Variants in INTS10 observed in about 807,000 individuals in gnomAD.
INTS10 encodes the protein chromosome 8 open reading frame 35.
Under a neutral mutation model 94.4 loss-of-function variants are expected in INTS10, and 44 were observed. That is an observed-to-expected ratio of 0.47 (90% CI 0.37 to 0.60). The LOEUF (loss-of-function observed/expected upper bound fraction) is 0.60. INTS10 is among the 20% of genes least tolerant of loss of function. INTS10 has a pLI of 0.00. For missense variants in INTS10, 797 were observed against 868.7 expected (o/e 0.92, Z 1.04); for synonymous variants, 341 against 320.7 (o/e 1.06, Z -0.68).
chr8:19,820,269 T>A, intron 3 of INTS10, 110 bp from the exon 4 acceptor site: 2 of 1,012,680 alleles, frequency 2.0e-6, no homozygotes, highest in Non-Finnish European at 2.8e-6. Flanking sequence ...CTGCATTGAT[T>A]TCACATGTAG....
Position 19,842,912 on chromosome 8 carries a change from G to T in INTS10, c.1704G>T (p.Met568Ile), listed in dbSNP as rs765430951. Reference sequence around the variant, plus strand: ...TCATGCCATACTGCCTCCATTTAATGTTAGCCTGTTTTAAGGTAAGCTTAA... The same window carrying T: ...TCATGCCATACTGCCTCCATTTAATTTTAGCCTGTTTTAAGGTAAGCTTAA... ...KAIMPYCLHL[M>I]LACFKLRAFT... Residue 568 changes from methionine to isoleucine, a missense_variant, in exon 14 of 17, where the codon ATG becomes ATT. Physicochemically the swap from Met to Ile is conservative, Grantham distance 10. Coordinates refer to ENST00000397977, the MANE Select transcript of INTS10 (RefSeq NM_018142.4). The T allele has an allele frequency of 8.1e-6, 13 of 1,608,268 alleles. No individual in the cohort carries two copies. The highest frequency in any genetic ancestry group is 1.0e-5 in the Non-Finnish European group (12 of 1,175,046).
rs2067724525 is a variant in INTS10, at chr8:19,837,114, C to T, written c.1593C>T (p.Gly531=). The T allele has an allele frequency of 4.3e-6, 7 of 1,613,400 alleles. No homozygotes were observed. The highest frequency in any genetic ancestry group is 5.9e-6 in the Non-Finnish European group (7 of 1,179,466). Reference sequence around the variant, plus strand: ...TGGTACTCCCCATTCAAGATGGAGGCAAATCCCAGGAGGAACCCTCGAAAG... The same window carrying T: ...TGGTACTCCCCATTCAAGATGGAGGTAAATCCCAGGAGGAACCCTCGAAAG... The part of the protein sequence containing the change: ...CYMVLPIQDG[G]KSQEEPSKVK... Residue 531 remains glycine, a synonymous_variant, in exon 13 of 17, where the codon GGC becomes GGT. Transcript: ENST00000397977.
intron 2 of INTS10, 49 bp from the exon 3 acceptor site, chr8:19,819,524 A>C: frequency 7.2e-7 from 1 of 1,391,252 alleles, no homozygotes; most frequent in Non-Finnish European, 9.8e-7. Flanking sequence ...TCTTTTGGAT[A>C]CTGTATAGAC....
At chr8:19,825,034 A>T (rs3816246) in intron 8 of INTS10, 62 bp downstream of exon 8, 2 of 1,375,524 alleles carry the variant, frequency 1.5e-6, no homozygotes, top group Admixed American at 3.6e-5. Flanking sequence ...TGGTAAGGAA[A>T]ATGAAAGTGT....
rs2068375568 is a variant in INTS10 at position 19,844,183 on chromosome 8, T to A, written c.1827T>A (p.Asn609Lys). The change falls in exon 15 of 17, where the codon AAT (asparagine) becomes AAA (lysine). Residue 609 changes from asparagine (N) to lysine (K), a missense_variant. This residue lies in a region of INTS10 where 734 missense variants were observed against 787.8 expected (regional missense o/e 0.93). Transcript: ENST00000397977. ...RGENLFLKAVNKICQQGNFQY... is the reference protein window; with the variant it reads ...RGENLFLKAVKKICQQGNFQY... The stretch of plus-strand genomic sequence containing the variant: ...AGAATCTTTTCCTGAAAGCTGTCAA[T>A]AAAATTTGCCAACAAGGAAATTTCC... 1 of 1,613,696 alleles carries A rather than the reference T, an allele frequency of 6.2e-7. No individual in the cohort carries two copies. The highest frequency in any genetic ancestry group is 1.3e-5 in the African/African-American group (1 of 74,922).
In INTS10 at chr8:19,823,416, T is replaced by C; in HGVS notation, c.639T>C (p.Ser213=). The change falls in exon 6 of 17, where the codon TCT becomes TCC. Residue 213 remains serine, a synonymous_variant. Transcript: ENST00000397977. ...TTTATATCAATTATGTCACTAGGTC[T>C]ACTCAAATAGAAAATCAGCATCAAG... ...AEFYINYVTR[S]TQIENQHQGA... 1.9e-6 allele frequency: 3 copies of C among 1,605,110 alleles called. 1 individual carries two copies. The South Asian group carries it at 3.3e-5, about 18-fold the overall frequency.
Position 19,846,874 on chromosome 8 carries a change from G to T in INTS10, c.1976+1077G>T, listed in dbSNP as rs1388159579. ...CCTTTGCTTCCTGCACATTCAGTGT[G>T]TCTGTAAGTCAGTGTTAGAGTTTCT... On this transcript the variant is annotated intron_variant, in intron 16 of 16. Transcript: ENST00000397977. The surrounding 1 kb of genome is among the most constrained non-coding windows in gnomAD (Gnocchi z 4.2). Among the ~76,000 whole-genome samples the T allele has an allele frequency of 6.6e-6, 1 of 152,178 alleles. No homozygotes were observed. The highest frequency in any genetic ancestry group is 2.4e-5 in the African/African-American group (1 of 41,438).
At position 19,851,104 on chromosome 8, in the gene INTS10, T is replaced by C. The variant is rs2068995820; in HGVS notation, c.1977-545T>C. 6.6e-6 allele frequency among the ~76,000 whole-genome samples: 1 copy of C among 152,198 alleles called. No individual in the cohort carries two copies. The highest frequency in any genetic ancestry group is 1.5e-5 in the Non-Finnish European group (1 of 68,040). ...AGCATTTAGAGGAGCTGCCCTATTCTGGTGTCCTGGGGAGAGAGACGTGCT... is the reference window on the plus strand; with the variant it reads ...AGCATTTAGAGGAGCTGCCCTATTCCGGTGTCCTGGGGAGAGAGACGTGCT... On this transcript the variant is annotated intron_variant, in intron 16 of 16. Coordinates refer to ENST00000397977, the MANE Select transcript of INTS10 (RefSeq NM_018142.4). This position sits in a 1 kb window ranked among gnomAD's most constrained non-coding sequence, Gnocchi z 5.0.
chr8:19,826,606 G>T (rs2066817259), intron 9 of INTS10, 47 bp downstream of exon 9: 3 of 1,552,980 alleles, frequency 1.9e-6, no homozygotes, highest in Non-Finnish European at 2.6e-6. Context: ...GGGACGCTTT[G>T]CTAGAGATGA....
rs905922716 is a variant in INTS10, at chr8:19,843,825, A to G, written c.1720-251A>G. ...AAAGCTTCAGGCCCACCCATGTCCA[A>G]CTGCCATCTACACACTGCCAGCAGC... On this transcript the variant is annotated intron_variant, in intron 14 of 16. Transcript: ENST00000397977. The surrounding 1 kb of genome is among the most constrained non-coding windows in gnomAD (Gnocchi z 4.7). Among the ~76,000 whole-genome samples the G allele has an allele frequency of 1.3e-5, 2 of 152,128 alleles. No individual in the cohort carries two copies. Among genetic ancestry groups the G allele is most frequent in the African/African-American group, 2.4e-5 (1 of 41,426 alleles).
chr8:19,830,513 C>A lies in INTS10; in HGVS notation c.1248C>A (p.Ala416=). 6.2e-7 allele frequency: 1 copy of A among 1,614,044 alleles called. No homozygotes were observed. Among genetic ancestry groups the A allele is most frequent in the Non-Finnish European group, 8.5e-7 (1 of 1,179,966 alleles). Residue 416 remains alanine (A), a synonymous_variant, in exon 10 of 17, where the codon GCC becomes GCA. Coordinates refer to ENST00000397977, the MANE Select transcript of INTS10 (RefSeq NM_018142.4). Reference sequence around the variant, plus strand: ...AAGTGTTAGAAAGCTTTAAATTGGCCAGGGAGAGCTGGGAGTTGCTCTATT... The same window carrying A: ...AAGTGTTAGAAAGCTTTAAATTGGCAAGGGAGAGCTGGGAGTTGCTCTATT... ...STEVLESFKL[A]RESWELLYSL...
Position 19,851,766 on chromosome 8 carries a change from C to T in INTS10, c.2094C>T (p.Cys698=). 1 of 1,614,150 alleles carries T rather than the reference C, an allele frequency of 6.2e-7. No homozygotes were observed. Among genetic ancestry groups the T allele is most frequent in the Non-Finnish European group, 8.5e-7 (1 of 1,179,992 alleles). Residue 698 remains cysteine, a synonymous_variant, in exon 17 of 17, where the codon TGC becomes TGT. Transcript: ENST00000397977. This position sits in a 1 kb window ranked among gnomAD's most constrained non-coding sequence, Gnocchi z 5.0. ...TGATGGTGGTTCTGCACAGGTTCTGCATTAATGAGAAGATCTTGCTCCTTC... is the reference window on the plus strand; with the variant it reads ...TGATGGTGGTTCTGCACAGGTTCTGTATTAATGAGAAGATCTTGCTCCTTC... ...ENLMVVLHRF[C]INEKILLLQT...
In INTS10 at chr8:19,822,536, T is replaced by A. The variant is rs946509811; in HGVS notation, c.523+16T>A. 6.9e-7 allele frequency: 1 copy of A among 1,441,342 alleles called. No individual in the cohort carries two copies. The highest frequency in any genetic ancestry group is 9.8e-7 in the Non-Finnish European group (1 of 1,024,916). The allele number at this position is 1,441,342 out of a possible 1,614,324, so 89.3% of individuals were successfully genotyped here. A position where few individuals can be genotyped will look rare whatever the true frequency, so the allele number is the denominator to read the frequency against. ...AAATTATTTGGTAAGGAAAATTGTATTCTCTATTACTTCTATGGTAAATTA... is the reference window on the plus strand; with the variant it reads ...AAATTATTTGGTAAGGAAAATTGTAATCTCTATTACTTCTATGGTAAATTA... On this transcript the variant is annotated intron_variant, in intron 5 of 16. Coordinates refer to ENST00000397977, the MANE Select transcript of INTS10 (RefSeq NM_018142.4).
rs2069065267 is a variant in INTS10, at chr8:19,851,882, A to C, written c.*77A>C. Reference sequence around the variant, plus strand: ...GACACTCAGCAGTGATTGCCATGGCACAGAGCCGTGGTCATTGTTGCTGTT... The same window carrying C: ...GACACTCAGCAGTGATTGCCATGGCCCAGAGCCGTGGTCATTGTTGCTGTT... On this transcript the variant is annotated 3_prime_UTR_variant, in exon 17 of 17. Coordinates refer to ENST00000397977, the MANE Select transcript of INTS10 (RefSeq NM_018142.4). The surrounding 1 kb of genome is among the most constrained non-coding windows in gnomAD (Gnocchi z 5.0). 7.6e-7 allele frequency: 1 copy of C among 1,318,160 alleles called. No homozygotes were observed. 81.7% of individuals were successfully genotyped at this position (1,318,160 alleles called of 1,614,324 possible).
At chr8:19,828,721 GGTT>G (rs2066996415) in intron 9 of INTS10, among the ~76,000 whole-genome samples, 1 of 144,964 alleles carries the variant, frequency 6.9e-6, no homozygotes. Flanking sequence ...ATACGGTTGT[GGTT>G]TTTTTTTTTT....
Position 19,833,254 on chromosome 8 carries a change from G to T in INTS10, c.1463G>T (p.Gly488Val). 1 of 1,612,922 alleles carries T rather than the reference G, an allele frequency of 6.2e-7. No individual in the cohort carries two copies. The highest frequency in any genetic ancestry group is 8.5e-7 in the Non-Finnish European group (1 of 1,179,440). ...SISQPQITGQ[G>V]TLEHQRALIQ... ...TCTCAGCCACAGATCACAGGGCAGG[G>T]GACCCTGGAGCATCAGAGGGCGCTC... Residue 488 changes from glycine (G) to valine (V), a missense_variant, in exon 12 of 17, where the codon GGG becomes GTG. Transcript: ENST00000397977.
chr8:19,848,501 T>C (rs1016878923), intron 16 of INTS10, among the ~76,000 whole-genome samples: 52 of 152,232 alleles, frequency 3.4e-4, no homozygotes, highest in African/African-American at 1.2e-3. Flanking sequence ...GTCCTACTTA[T>C]ACTCTGAATA....
intron 6 of INTS10, 37 bp from the exon 7 acceptor site, chr8:19,823,833 CATA>C: frequency 1.3e-6 from 2 of 1,512,386 alleles, no homozygotes; most frequent in South Asian, 1.3e-5. Flanking sequence ...AACAGTAAGT[CATA>C]ATGTTAATTG....
At chr8:19,847,898 A>C (rs2068711662) in intron 16 of INTS10, among the ~76,000 whole-genome samples, 1 of 152,194 alleles carries the variant, frequency 6.6e-6, no homozygotes, top group African/African-American at 2.4e-5. Flanking sequence ...AGGGTCTCCC[A>C]CCTTGATCAA....
Sources: gnomAD v4.1 joint callset for allele counts (sites outside exome capture counted in the v4.1 genomes callset) on GRCh38, gnomAD v4.1.1 for gene constraint, gnomAD v4.1.1 regional missense constraint, Gnocchi (gnomAD v3.1) non-coding constraint, MANE v1.5 for transcripts, NCBI Gene and HGNC (gene_info 2026-07-23, HGNC 2026-07-21) for gene names.